The following DOCK4 variants were observed in gnomAD, a reference collection of about 807,000 sequenced individuals.
DOCK4 encodes dedicator of cytokinesis 4, also known as dedicator of cytokinesis protein 4.
A neutral mutation model predicts 268.1 loss-of-function variants in DOCK4; 97 were observed. The observed-to-expected ratio is 0.36, with a 90% confidence interval of 0.31 to 0.43. The LOEUF (loss-of-function observed/expected upper bound fraction) is 0.43. Among genes scored for constraint, DOCK4 ranks in the 20% least tolerant of loss-of-function variants. DOCK4 has a pLI of 1.00. For synonymous variants in DOCK4, 954 were observed against 887.2 expected (o/e 1.08, Z -1.34); for missense variants, 2,145 against 2,455.7 (o/e 0.87, Z 2.67).
chr7:111,919,261 A>G (rs7809222), intron 12 of DOCK4, among the ~76,000 whole-genome samples: 3,007 of 152,258 alleles, frequency 0.02, 107 homozygotes, highest in African/African-American at 0.068. Context: ...AGATAGGAAA[A>G]GGAGAAAAAA....
At chr7:111,949,950 G>A (rs554214596) in intron 8 of DOCK4, among the ~76,000 whole-genome samples, 11 of 152,140 alleles carry the variant, frequency 7.2e-5, no homozygotes, top group African/African-American at 2.6e-4. Context: ...CTTTTGAGAC[G>A]GAGTCTCGTT....
intron 11 of DOCK4, among the ~76,000 whole-genome samples, chr7:111,936,026 C>T (rs973135273): frequency 6.6e-6 from 1 of 152,156 alleles, no homozygotes; most frequent in Non-Finnish European, 1.5e-5. Context: ...AATTTCCCCA[C>T]CTATGAAACA....
chr7:112,069,589 A>G (rs1807396225), intron 1 of DOCK4, among the ~76,000 whole-genome samples: 1 of 152,176 alleles, frequency 6.6e-6, no homozygotes, highest in Non-Finnish European at 1.5e-5. Context: ...AATAACACAT[A>G]TACAGTACAA....
chr7:111,799,174 C>T (rs558421765), intron 30 of DOCK4, among the ~76,000 whole-genome samples: 80 of 152,316 alleles, frequency 5.3e-4, no homozygotes, highest in African/African-American at 1.8e-3. Flanking sequence ...TACTTTCCAG[C>T]CCTCAGAATT....
intron 1 of DOCK4, among the ~76,000 whole-genome samples, chr7:112,141,182 A>C (rs1376403133): frequency 6.6e-6 from 1 of 152,160 alleles, no homozygotes; most frequent in East Asian, 1.9e-4. Flanking sequence ...GAAGTTCTCC[A>C]AGCTTTTTAT....
intron 1 of DOCK4, among the ~76,000 whole-genome samples, chr7:112,205,045 C>T (rs113988286): frequency 0.012 from 1,873 of 152,174 alleles, 46 homozygotes; most frequent in African/African-American, 0.042. Context: ...AGCCTGGCTT[C>T]TTAATAGTCT....
At chr7:111,941,519 C>G (rs1316014911) in intron 10 of DOCK4, among the ~76,000 whole-genome samples, 1 of 151,940 alleles carries the variant, frequency 6.6e-6, no homozygotes, top group Non-Finnish European at 1.5e-5. Context: ...CAGTCTTTAT[C>G]AATATCGTGG....
intron 1 of DOCK4, among the ~76,000 whole-genome samples, chr7:112,154,238 C>T (rs1816388327): frequency 6.6e-6 from 1 of 152,118 alleles, no homozygotes; most frequent in Admixed American, 6.5e-5. Flanking sequence ...TCCCAAAGTG[C>T]TGGGACTATA....
intron 1 of DOCK4, among the ~76,000 whole-genome samples, chr7:112,173,858 A>T (rs550753585): frequency 1.7e-4 from 26 of 152,244 alleles, no homozygotes; most frequent in African/African-American, 5.3e-4. Flanking sequence ...AAAATACATA[A>T]GAGAGCAAGC....
At chr7:111,982,424 C>T (rs1400554018) in intron 7 of DOCK4, among the ~76,000 whole-genome samples, 1 of 152,058 alleles carries the variant, frequency 6.6e-6, no homozygotes. Context: ...TGTTGGCTCT[C>T]CAACGTAGAT....
At chr7:111,961,124 A>T (rs1796854629) in intron 8 of DOCK4, among the ~76,000 whole-genome samples, 1 of 151,992 alleles carries the variant, frequency 6.6e-6, no homozygotes, top group Non-Finnish European at 1.5e-5. Context: ...TTCAGTCCTC[A>T]GCTCCCTCTG....
intron 23 of DOCK4, among the ~76,000 whole-genome samples, chr7:111,848,510 CA>C (rs1563586202): frequency 6.6e-6 from 1 of 152,202 alleles, no homozygotes; most frequent in Non-Finnish European, 1.5e-5. Flanking sequence ...TCTTGTTTCA[CA>C]GATGCATTCT....
At chr7:112,167,678 G>A (rs1817720036) in intron 1 of DOCK4, among the ~76,000 whole-genome samples, 1 of 151,930 alleles carries the variant, frequency 6.6e-6, no homozygotes, top group South Asian at 2.1e-4. Context: ...TATGCTTTGG[G>A]GCTTTGTATT....
chr7:111,869,777 C>T, intron 20 of DOCK4, 122 bp from the exon 21 acceptor site: 1 of 748,666 alleles, frequency 1.3e-6, no homozygotes, highest in South Asian at 1.5e-5. Flanking sequence ...CTCACATTTT[C>T]CTGTCAATCT....
intron 1 of DOCK4, among the ~76,000 whole-genome samples, chr7:112,171,780 G>A (rs933853300): frequency 6.6e-6 from 1 of 152,154 alleles, no homozygotes; most frequent in Non-Finnish European, 1.5e-5. Context: ...GTTTGCTAGG[G>A]CTGCCATAAC....
chr7:111,989,272 GC>G, intron 5 of DOCK4, 109 bp from the exon 6 acceptor site: 1 of 1,436,510 alleles, frequency 7.0e-7, no homozygotes, highest in Non-Finnish European at 9.5e-7. Flanking sequence ...CTATGTGCTT[GC>G]CACTCTGGAC....
intron 1 of DOCK4, among the ~76,000 whole-genome samples, chr7:112,044,247 T>C (rs1305721521): frequency 6.6e-6 from 1 of 152,158 alleles, no homozygotes; most frequent in African/African-American, 2.4e-5. Flanking sequence ...TTTGTACTAG[T>C]AAGGTTCCCC....
At chr7:112,181,029 G>C (rs1818983589) in intron 1 of DOCK4, among the ~76,000 whole-genome samples, 2 of 152,218 alleles carry the variant, frequency 1.3e-5, no homozygotes, top group African/African-American at 4.8e-5. Flanking sequence ...GTATGAGCAA[G>C]ATTGGATAAG....
At chr7:112,090,301 T>G (rs575882819) in intron 1 of DOCK4, among the ~76,000 whole-genome samples, 34 of 152,238 alleles carry the variant, frequency 2.2e-4, no homozygotes, top group African/African-American at 7.9e-4. Context: ...TATTTTGAGA[T>G]TGGGGGGAAG....
Sources: gnomAD v4.1 joint callset for allele counts (sites outside exome capture counted in the v4.1 genomes callset) on GRCh38, gnomAD v4.1.1 for gene constraint, MANE v1.5 for transcripts, NCBI Gene and HGNC (gene_info 2026-07-23, HGNC 2026-07-21) for gene names.